The following GNAS variants were observed in gnomAD, a reference collection of about 807,000 sequenced individuals.
The protein encoded by GNAS is GNAS complex locus.
In GNAS, 8 loss-of-function variants were observed where a neutral mutation model predicts 54.5. The observed-to-expected ratio is 0.15, with a 90% CI of 0.09 to 0.26. The LOEUF (loss-of-function observed/expected upper bound fraction) is 0.26, where lower values mean the gene tolerates loss of function less well. Among genes scored for constraint, GNAS ranks in the 10% least tolerant of loss-of-function variants. GNAS has a pLI of 1.00. For missense variants in GNAS, 170 were observed against 529.8 expected, an observed-to-expected ratio of 0.32 and a Z score of 6.67; for synonymous variants, 204 against 191.4, an observed-to-expected ratio of 1.07 and a Z score of -0.54.
At chr20:58,840,553 GC>G (rs2085678398), upstream of GNAS, 2 of 1,613,152 alleles carry the variant, frequency 1.2e-6, no homozygotes, top group Non-Finnish European at 1.7e-6. This position sits in a 1 kb window ranked among gnomAD's most constrained non-coding sequence, Gnocchi z 6.0. Flanking sequence ...GCCCGGTGGT[GC>G]CCAAGCACTC....
At position 58,910,189 on chromosome 20, in the gene GNAS, A is replaced by G. The variant is rs1175004247; in HGVS notation, c.970+108A>G. On this transcript the variant is annotated intron_variant, in intron 11 of 12. Coordinates refer to ENST00000371085, the MANE Select transcript of GNAS (RefSeq NM_000516.7). This position sits in a 1 kb window ranked among gnomAD's most constrained non-coding sequence, Gnocchi z 5.8. ...CCCACCACCAAACCATAAAGGATCT[A>G]TAAGAGAAGCAAGAAAAACGCACTC... is the stretch of plus-strand genomic sequence containing the variant. The G allele has an allele frequency of 3.7e-6, 5 of 1,363,778 alleles. No homozygotes were observed. Among genetic ancestry groups the G allele is most frequent in the Admixed American group, 1.7e-5 (1 of 59,674 alleles). 84.5% of individuals were successfully genotyped at this position (1,363,778 alleles called of 1,614,324 possible).
intron 1 of GNAS, among the ~76,000 whole-genome samples, chr20:58,883,423 G>A (rs955470122): frequency 8.5e-5 from 13 of 152,166 alleles, no homozygotes; most frequent in African/African-American, 3.1e-4. Context: ...ATTGGGCGGC[G>A]TGACAGAGAC....
chr20:58,850,398 G>A (rs1265640394), intron 1 of GNAS: 4 of 397,194 alleles, frequency 1.0e-5, no homozygotes, highest in African/African-American at 4.1e-5. Flanking sequence ...TGAGGGTGTC[G>A]AACAGAGACC....
upstream of GNAS, chr20:58,888,995 G>C: frequency 3.3e-6 from 3 of 907,206 alleles, no homozygotes; most frequent in Non-Finnish European, 3.9e-6. Flanking sequence ...GCCCACGCCC[G>C]CGCGGTCCCG....
chr20:58,891,555 GCGCGCCCCGCGGCC>G lies in GNAS; in HGVS notation c.-167_-154del, dbSNP rs1262729278. 32 of 973,004 alleles carry G rather than the reference GCGCGCCCCGCGGCC, an allele frequency of 3.3e-5. No homozygotes were observed. The highest frequency in any genetic ancestry group is 3.8e-5 in the Non-Finnish European group (31 of 822,762). The allele number at this position is 973,004 out of a possible 1,614,324, so 60.3% of individuals were successfully genotyped here. A position where few individuals can be genotyped will look rare whatever the true frequency, so the allele number is the denominator to read the frequency against. On this transcript the variant is annotated 5_prime_UTR_variant, in exon 1 of 13. Coordinates refer to ENST00000371085, the MANE Select transcript of GNAS (RefSeq NM_000516.7). ...GACACCCTCCCCTTCCCGCCCGTCC[GCGCGCCCCGCGGCC>G]CGCGGCCCGCAGTCCGCCCCGCGCG... is the stretch of plus-strand genomic sequence containing the variant.
At position 58,909,105 on chromosome 20, in the gene GNAS, G is replaced by A. The variant is rs1159377239; in HGVS notation, c.531-57G>A. ...CTGACCTTGTAGAGAGACACAAATA[G>A]TTGGCAAATTGATGTGAGCGCTGTG... On this transcript the variant is annotated intron_variant, in intron 6 of 12. Coordinates refer to ENST00000371085, the MANE Select transcript of GNAS (RefSeq NM_000516.7). The surrounding 1 kb of genome is among the most constrained non-coding windows in gnomAD (Gnocchi z 7.3). The A allele has an allele frequency of 4.2e-6, 6 of 1,439,818 alleles. No individual in the cohort carries two copies. In the Admixed American group the frequency reaches 1.0e-4, roughly 24 times the overall value. 89.2% of individuals were successfully genotyped at this position (1,439,818 alleles called of 1,614,324 possible).
intron 3 of GNAS, 109 bp from the exon 4 acceptor site, chr20:58,903,422 C>T (rs1054727255): frequency 1.1e-6 from 1 of 943,058 alleles, no homozygotes; most frequent in East Asian, 2.5e-5. Flanking sequence ...ACCCACAACT[C>T]CCTGAAGAAC....
intron 1 of GNAS, among the ~76,000 whole-genome samples, chr20:58,847,816 G>A (rs774443828): frequency 1.2e-4 from 19 of 152,138 alleles, no homozygotes; most frequent in Admixed American, 7.8e-4. Flanking sequence ...CCAGAAAGCT[G>A]ACAGGTAGCT....
At chr20:58,860,562 A>G (rs182328906) in intron 1 of GNAS, among the ~76,000 whole-genome samples, 2 of 152,020 alleles carry the variant, frequency 1.3e-5, no homozygotes, top group East Asian at 3.9e-4. Context: ...ATTTTTTTTT[A>G]AAAGTATGCC....
chr20:58,901,406 T>G (rs1275804792), intron 3 of GNAS, among the ~76,000 whole-genome samples: 3 of 152,210 alleles, frequency 2.0e-5, no homozygotes, highest in African/African-American at 7.2e-5. Flanking sequence ...AGGTGGTTGC[T>G]TTAAGAGTCT....
At chr20:58,860,917 C>T (rs982883330) in intron 1 of GNAS, among the ~76,000 whole-genome samples, 3 of 152,318 alleles carry the variant, frequency 2.0e-5, no homozygotes, top group Non-Finnish European at 4.4e-5. Context: ...CCACCTTGGC[C>T]TCCCAAAGTG....
chr20:58,855,168 A>G (rs763982568), intron 1 of GNAS: 4 of 1,610,738 alleles, frequency 2.5e-6, no homozygotes, highest in South Asian at 1.1e-5. Flanking sequence ...GCGCTCTCTC[A>G]AGGTCAAGAA....
upstream of GNAS, chr20:58,891,165 G>A (rs1290178868): frequency 6.8e-6 from 1 of 146,302 alleles, no homozygotes; most frequent in Non-Finnish European, 1.5e-5. Flanking sequence ...TCCCGTCCCC[G>A]GCCGGGCGCG....
rs968915037 is a variant in GNAS at position 58,875,540 on chromosome 20, C to T, written c.44-20072C>T. Among the ~76,000 whole-genome samples the T allele has an allele frequency of 2.6e-5, 4 of 152,346 alleles. No individual in the cohort carries two copies. The East Asian group carries it at 7.7e-4, about 29-fold the overall frequency. ...TAGTTCCAGCCCCATACCCTGTTTT[C>T]CCAACCCAAGTCTATGGCTGCCTAG... On this transcript the variant is annotated intron_variant, in intron 1 of 12. Coordinates refer to the GNAS transcript ENST00000306090.
rs144990500 is a variant in GNAS, at chr20:58,872,691, G to T, written c.44-22921G>T. 2.4e-3 allele frequency among the ~76,000 whole-genome samples: 359 copies of T among 152,236 alleles called. 6 individuals carry two copies. The highest frequency in any genetic ancestry group is 0.017 in the Middle Eastern group (5 of 294). The stretch of plus-strand genomic sequence containing the variant: ...GAAAGGTGAGGGGAAGAGAAAAGGG[G>T]GGAATTCAGCCAGAGGAGAACAGGG... On this transcript the variant is annotated intron_variant, in intron 1 of 12. Coordinates refer to the GNAS transcript ENST00000306090.
chr20:58,877,705 C>G (rs1326357290), intron 1 of GNAS, among the ~76,000 whole-genome samples: 1 of 152,170 alleles, frequency 6.6e-6, no homozygotes, highest in African/African-American at 2.4e-5. Context: ...TAAGAGGCTA[C>G]AGTCAGCTCA....
At chr20:58,900,209 T>C (rs1467902188) in intron 3 of GNAS, 202 of 548,914 alleles carry the variant, frequency 3.7e-4, no homozygotes, top group Non-Finnish European at 4.5e-5. Context: ...AAATGACTAA[T>C]TGACAATCTG....
chr20:58,892,346 G>C (rs937247420), intron 1 of GNAS: 1 of 191,718 alleles, frequency 5.2e-6, no homozygotes, highest in African/African-American at 2.4e-5. Context: ...TTTGTTGGGA[G>C]AGGGAAAGAG....
chr20:58,883,801 TG>T (rs2088408153), intron 1 of GNAS, among the ~76,000 whole-genome samples: 1 of 152,130 alleles, frequency 6.6e-6, no homozygotes, highest in African/African-American at 2.4e-5. Flanking sequence ...AGTTAGAGCC[TG>T]TACGAAAAGA....
Sources: gnomAD v4.1 joint callset for allele counts (sites outside exome capture counted in the v4.1 genomes callset) on GRCh38, gnomAD v4.1.1 for gene constraint, Gnocchi (gnomAD v3.1) non-coding constraint, MANE v1.5 for transcripts, NCBI Gene and HGNC (gene_info 2026-07-23, HGNC 2026-07-21) for gene names.